The following CHDH variants were observed in gnomAD, a reference collection of about 807,000 sequenced individuals.
CHDH encodes choline dehydrogenase.
Under a neutral mutation model 56.9 loss-of-function variants are expected in CHDH, and 43 were observed. The ratio of observed to expected loss-of-function variants is 0.76; its 90% CI spans 0.59 to 0.97. CHDH has a LOEUF of 0.97. Among genes scored for constraint, CHDH ranks in the 50% least tolerant of loss-of-function variants. The pLI is 0.00. For synonymous variants in CHDH, 364 were observed against 348.5 expected, an observed-to-expected ratio of 1.04 and a Z score of -0.50; for missense variants, 816 against 821.1, an observed-to-expected ratio of 0.99 and a Z score of 0.08.
At chr3:53,829,682 T>C (rs1698273076) in intron 2 of CHDH, among the ~76,000 whole-genome samples, 1 of 152,200 alleles carries the variant, frequency 6.6e-6, no homozygotes, top group Admixed American at 6.5e-5. Context: ...AAAAAAGCTC[T>C]GGCATTCCTG....
intron 2 of CHDH, among the ~76,000 whole-genome samples, chr3:53,839,800 G>A (rs1468037241): frequency 6.6e-6 from 1 of 152,186 alleles, no homozygotes; most frequent in African/African-American, 2.4e-5. Context: ...GCCAAGACAT[G>A]GAATCAACCT....
In CHDH at chr3:53,819,673, C is replaced by A; in HGVS notation, c.1122G>T (p.Gly374=). ...IGLEWLWKFT[G]EGATAHLETG... ...TTTCCAGATGGGCAGTGGCTCCCTC[C>A]CCTGAGAAGCAGAAGAGGATGAGGC... The change falls in exon 7 of 9, where the codon GGG becomes GGT. Residue 374 remains glycine (G), a splice_region_variant and synonymous_variant. Coordinates refer to ENST00000315251, the MANE Select transcript of CHDH (RefSeq NM_018397.5). The surrounding 1 kb of genome is among the most constrained non-coding windows in gnomAD (Gnocchi z 5.4). 6.3e-7 allele frequency: 1 copy of A among 1,596,736 alleles called. No individual in the cohort carries two copies. The highest frequency in any genetic ancestry group is 1.1e-5 in the South Asian group (1 of 88,242).
At position 53,833,957 on chromosome 3, in the gene CHDH, G is replaced by A. The variant is rs544288100; in HGVS notation, c.-60+6972C>T. On this transcript the variant is annotated intron_variant, in intron 2 of 8. Coordinates refer to ENST00000315251, the MANE Select transcript of CHDH (RefSeq NM_018397.5). Reference sequence around the variant, plus strand: ...GACACCTGGTCCCTGTAGCACCACTGTGTGGGAGGCAAGGCTTTGGTCAAC... The same window carrying A: ...GACACCTGGTCCCTGTAGCACCACTATGTGGGAGGCAAGGCTTTGGTCAAC... Among the ~76,000 whole-genome samples, 4 of 152,282 alleles carry A rather than the reference G, an allele frequency of 2.6e-5. No homozygotes were observed. The East Asian group carries it at 5.8e-4, about 22-fold the overall frequency.
Position 53,816,933 on chromosome 3 carries a change from C to T in CHDH, c.*844G>A, listed in dbSNP as rs1185631880. On this transcript the variant is annotated 3_prime_UTR_variant, in exon 9 of 9. Transcript: ENST00000315251. The stretch of plus-strand genomic sequence containing the variant: ...CCATCAGGGTTCACAGGAGCCTCAA[C>T]CTCCTGGGCTAAAGCCATCCTCCCG... 1 of 150,174 alleles carries T rather than the reference C, an allele frequency of 6.7e-6. No individual in the cohort carries two copies. Among genetic ancestry groups the T allele is most frequent in the Non-Finnish European group, 1.5e-5 (1 of 67,816 alleles). The allele number at this position is 150,174 out of a possible 1,614,324, so 9.3% of individuals were successfully genotyped here. A position where few individuals can be genotyped will look rare whatever the true frequency, so the allele number is the denominator to read the frequency against.
chr3:53,822,714 G>GAGAA (rs566672464), intron 3 of CHDH, 72 bp from the exon 4 acceptor site: 11 of 1,537,336 alleles, frequency 7.2e-6, no homozygotes, highest in East Asian at 4.6e-5. Flanking sequence ...GAAGGAGCTG[G>GAGAA]AGAAAGAAAG....
chr3:53,841,750 A>C (rs1698675522), intron 1 of CHDH, among the ~76,000 whole-genome samples: 3 of 152,194 alleles, frequency 2.0e-5, no homozygotes, highest in Non-Finnish European at 4.4e-5. Flanking sequence ...TAAGACATCA[A>C]CCTGCACCCA....
Position 53,817,830 on chromosome 3 carries a change from A to G in CHDH, c.1732T>C (p.Trp578Arg), listed in dbSNP as rs778521519. The G allele has an allele frequency of 6.8e-6, 11 of 1,613,920 alleles. No homozygotes were observed. The South Asian group carries it at 1.2e-4, about 18-fold the overall frequency. The change falls in exon 9 of 9, where the codon TGG becomes CGG. Residue 578 changes from tryptophan to arginine, a missense_variant. Physicochemically the swap from Trp to Arg is moderately radical, Grantham distance 101 (BLOSUM62 -3). Transcript: ENST00000315251. ...ADIIKGQPAL[W>R]DKDVPVYKPR... ...TTGTAGACAGGGACATCTTTGTCCC[A>G]GAGTGCAGGCTGCCCCTTGATAATG...
chr3:53,841,973 C>T (rs1315119155), intron 1 of CHDH, among the ~76,000 whole-genome samples: 1 of 151,872 alleles, frequency 6.6e-6, no homozygotes, highest in African/African-American at 2.4e-5. Context: ...ATAGCAAGAC[C>T]CCATTTCTAA....
intron 2 of CHDH, among the ~76,000 whole-genome samples, chr3:53,826,908 G>C (rs1345686115): frequency 6.6e-6 from 1 of 152,170 alleles, no homozygotes; most frequent in African/African-American, 2.4e-5. Flanking sequence ...AGGATATAAG[G>C]TTAATATATA....
intron 1 of CHDH, among the ~76,000 whole-genome samples, chr3:53,842,500 G>C (rs1479631429): frequency 6.6e-6 from 1 of 152,112 alleles, no homozygotes; most frequent in African/African-American, 2.4e-5. Context: ...CTGCATCCGA[G>C]GCTTTCTTTG....
chr3:53,825,782 A>ATAGTT (rs2095637940), intron 2 of CHDH, among the ~76,000 whole-genome samples: 1 of 152,212 alleles, frequency 6.6e-6, no homozygotes, highest in South Asian at 2.1e-4. Flanking sequence ...TAAGTACATC[A>ATAGTT]TAGTTAAGCT....
intron 2 of CHDH, among the ~76,000 whole-genome samples, chr3:53,824,341 G>A (rs928459685): frequency 6.6e-6 from 1 of 152,252 alleles, no homozygotes; most frequent in African/African-American, 2.4e-5. Context: ...CCTGGAGACT[G>A]GGCTGGAGTC....
At position 53,821,881 on chromosome 3, in the gene CHDH, T is replaced by C. The variant is rs375847843; in HGVS notation, c.856-105A>G. On this transcript the variant is annotated intron_variant, in intron 4 of 8. Coordinates refer to ENST00000315251, the MANE Select transcript of CHDH (RefSeq NM_018397.5). ...GCACCATGAGAACACAGCCTTGGGA[T>C]GTAGAATCCTGTGGCACACCCGGGA... 46 of 1,427,562 alleles carry C rather than the reference T, an allele frequency of 3.2e-5. No homozygotes were observed. In the African/African-American group the frequency reaches 6.0e-4, roughly 19 times the overall value. 88.4% of individuals were successfully genotyped at this position (1,427,562 alleles called of 1,614,324 possible). A position where few individuals can be genotyped will look rare whatever the true frequency, so the allele number is the denominator to read the frequency against.
chr3:53,819,678 AGAAGCAGAAGAGGAT>A lies in CHDH; in HGVS notation c.1121-19_1121-5del, dbSNP rs1244729953. ...AGATGGGCAGTGGCTCCCTCCCCTG[AGAAGCAGAAGAGGAT>A]GAGGCAGAAGAGCCAGTCAGGCCGT... On this transcript the variant is annotated splice_region_variant and splice_polypyrimidine_tract_variant and intron_variant, in intron 6 of 8. Coordinates refer to ENST00000315251, the MANE Select transcript of CHDH (RefSeq NM_018397.5). The surrounding 1 kb of genome is among the most constrained non-coding windows in gnomAD (Gnocchi z 5.4). 1.3e-6 allele frequency: 2 copies of A among 1,592,162 alleles called. No individual in the cohort carries two copies. Among genetic ancestry groups the A allele is most frequent in the South Asian group, 1.1e-5 (1 of 87,422 alleles).
At chr3:53,833,789 C>A (rs1001180674) in intron 2 of CHDH, among the ~76,000 whole-genome samples, 3 of 152,164 alleles carry the variant, frequency 2.0e-5, no homozygotes, top group Non-Finnish European at 4.4e-5. Flanking sequence ...GCTTTGCCAA[C>A]TGACAAGCAC....
rs2095634284 is a variant in CHDH at position 53,824,047 on chromosome 3, A to G, written c.-39T>C. The G allele has an allele frequency of 7.1e-7, 1 of 1,402,470 alleles. No individual in the cohort carries two copies. Among genetic ancestry groups the G allele is most frequent in the Admixed American group, 3.1e-5 (1 of 32,220 alleles). The allele number at this position is 1,402,470 out of a possible 1,614,324, so 86.9% of individuals were successfully genotyped here. ...CCAAGTCCTCTGATCCACGGAGGGG[A>G]ATGAGATGACTCACTTCTCCCTAAA... On this transcript the variant is annotated 5_prime_UTR_variant, in exon 3 of 9. Transcript: ENST00000315251.
intron 2 of CHDH, among the ~76,000 whole-genome samples, chr3:53,829,679 C>T (rs1303315399): frequency 1.3e-5 from 2 of 152,194 alleles, no homozygotes; most frequent in African/African-American, 4.8e-5. Flanking sequence ...AATAAAAAAG[C>T]TCTGGCATTC....
At chr3:53,845,376 C>T (rs1404539466) in intron 1 of CHDH, among the ~76,000 whole-genome samples, 2 of 152,174 alleles carry the variant, frequency 1.3e-5, no homozygotes, top group Non-Finnish European at 2.9e-5. Flanking sequence ...GACAACACAC[C>T]CCTAAGTTCC....
chr3:53,817,565 C>A lies in CHDH; in HGVS notation c.*212G>T. 1.8e-6 allele frequency: 1 copy of A among 545,006 alleles called. No individual in the cohort carries two copies. The allele number at this position is 545,006 out of a possible 1,614,324, so 33.8% of individuals were successfully genotyped here. A position where few individuals can be genotyped will look rare whatever the true frequency, so the allele number is the denominator to read the frequency against. On this transcript the variant is annotated 3_prime_UTR_variant, in exon 9 of 9. Coordinates refer to ENST00000315251, the MANE Select transcript of CHDH (RefSeq NM_018397.5). Reference sequence around the variant, plus strand: ...TGAATGCTGGCCTTCCCCAAATGGCCCACAGGGAAAGGCTGGGGAAAAGGA... The same window carrying A: ...TGAATGCTGGCCTTCCCCAAATGGCACACAGGGAAAGGCTGGGGAAAAGGA...
Sources: gnomAD v4.1 joint callset for allele counts (sites outside exome capture counted in the v4.1 genomes callset) on GRCh38, gnomAD v4.1.1 for gene constraint, Gnocchi (gnomAD v3.1) non-coding constraint, MANE v1.5 for transcripts, NCBI Gene and HGNC (gene_info 2026-07-23, HGNC 2026-07-21) for gene names.